Variants in PHYHD1 observed in about 807,000 individuals in gnomAD.
PHYHD1 encodes the protein phytanoyl-CoA dioxygenase domain-containing protein 1.
A neutral mutation model predicts 43.6 loss-of-function variants in PHYHD1; 42 were observed. The ratio of observed to expected loss-of-function variants is 0.96; its 90% confidence interval spans 0.75 to 1.25. The LOEUF (loss-of-function observed/expected upper bound fraction) is 1.25. PHYHD1 is among the 50% of genes most tolerant of loss of function. The pLI, the probability that PHYHD1 is intolerant of heterozygous loss-of-function variation, is 0.00. For missense variants in PHYHD1, 342 were observed against 370.8 expected, an observed-to-expected ratio of 0.92 and a Z score of 0.64; for synonymous variants, 139 against 143.6, an observed-to-expected ratio of 0.97 and a Z score of 0.23.
chr9:128,937,960 G>C, intron 9 of PHYHD1, 182 bp downstream of exon 9: 1 of 1,483,024 alleles, frequency 6.7e-7, no homozygotes, highest in Non-Finnish European at 9.0e-7. Flanking sequence ...GAAACCTTGC[G>C]TCCTTGGCAT....
chr9:128,924,540 A>T (rs970951200), intron 3 of PHYHD1, among the ~76,000 whole-genome samples: 30 of 151,984 alleles, frequency 2.0e-4, no homozygotes, highest in African/African-American at 7.2e-4. Context: ...TGAGCCCAGA[A>T]GTTCAAGGCT....
chr9:128,941,491 G>A lies in PHYHD1; in HGVS notation c.750G>A (p.Gln250=). The A allele has an allele frequency of 6.2e-7, 1 of 1,614,028 alleles. No homozygotes were observed. The highest frequency in any genetic ancestry group is 1.3e-5 in the African/African-American group (1 of 75,012). ...GAGAAGTGGTACACAAGAGCAAGCA[G>A]AACCTCTCTGACCGCTCGCGCCAGG... ...IHGEVVHKSK[Q]NLSDRSRQAY... is the part of the protein sequence containing the mutation. The change falls in exon 12 of 13, where the codon CAG becomes CAA. Residue 250 remains glutamine (Q), a synonymous_variant. Coordinates refer to ENST00000372592, the MANE Select transcript of PHYHD1 (RefSeq NM_001100876.2).
intron 3 of PHYHD1, among the ~76,000 whole-genome samples, chr9:128,926,063 C>G (rs1027310165): frequency 6.6e-6 from 1 of 152,164 alleles, no homozygotes. Context: ...ACCATGAGGG[C>G]AGGCATCATG....
At chr9:128,926,554 CTTTCT>C (rs1309595638) in intron 3 of PHYHD1, among the ~76,000 whole-genome samples, 1 of 138,384 alleles carries the variant, frequency 7.2e-6, no homozygotes, top group African/African-American at 2.6e-5. Flanking sequence ...TTTTCTTTTT[CTTTCT>C]TTTTTTTTTT....
At chr9:128,924,776 A>C (rs1045025503) in intron 3 of PHYHD1, among the ~76,000 whole-genome samples, 1 of 151,498 alleles carries the variant, frequency 6.6e-6, no homozygotes. Context: ...CTCTACTAAA[A>C]ATACAAAAAT....
chr9:128,936,335 G>A, intron 6 of PHYHD1, 113 bp from the exon 7 acceptor site: 1 of 1,412,786 alleles, frequency 7.1e-7, no homozygotes, highest in Non-Finnish European at 9.7e-7. Context: ...AAGGGTTAAT[G>A]CCTACAAAGT....
intron 4 of PHYHD1, among the ~76,000 whole-genome samples, chr9:128,927,943 C>T (rs1262847587): frequency 1.3e-5 from 2 of 152,302 alleles, no homozygotes; most frequent in Admixed American, 1.3e-4. Context: ...CCCCAGTGAC[C>T]GAATAGGTCA....
At chr9:128,937,103 A>C (rs1311867229) in intron 8 of PHYHD1, among the ~76,000 whole-genome samples, 1 of 151,774 alleles carries the variant, frequency 6.6e-6, no homozygotes, top group Non-Finnish European at 1.5e-5. Flanking sequence ...GGATAGAGCA[A>C]GGCTCCGTCT....
intron 9 of PHYHD1, among the ~76,000 whole-genome samples, chr9:128,938,428 G>GT (rs1564542803): frequency 1.7e-4 from 25 of 151,258 alleles, no homozygotes; most frequent in Admixed American, 8.6e-4. Context: ...CTGTTTTTTG[G>GT]GTTTTTTTTT....
chr9:128,927,329 C>CAGTGAGGAGCGAGGGAAAGG, intron 4 of PHYHD1, 133 bp downstream of exon 4: 1 of 1,049,874 alleles, frequency 9.5e-7, no homozygotes, highest in Non-Finnish European at 1.4e-6. Flanking sequence ...ACACCTTTCC[C>CAGTGAGGAGCGAGGGAAAGG]TCGCTCCTCA....
At chr9:128,934,126 G>T in intron 6 of PHYHD1, 68 bp downstream of exon 6, 1 of 1,514,986 alleles carries the variant, frequency 6.6e-7, no homozygotes, top group Non-Finnish European at 9.1e-7. Context: ...GCTTACACTT[G>T]TAATCCTAAC....
At chr9:128,934,697 G>C (rs1486595776) in intron 6 of PHYHD1, among the ~76,000 whole-genome samples, 1 of 151,842 alleles carries the variant, frequency 6.6e-6, no homozygotes, top group Non-Finnish European at 1.5e-5. Flanking sequence ...GAACCCGAGA[G>C]GCTGAGGCTG....
chr9:128,932,361 T>C (rs1425388287), intron 4 of PHYHD1, among the ~76,000 whole-genome samples: 1 of 151,132 alleles, frequency 6.6e-6, no homozygotes, highest in East Asian at 1.9e-4. Context: ...TTTTGTACTT[T>C]TGTTTTTATT....
chr9:128,941,531 C>G lies in PHYHD1; in HGVS notation c.790C>G (p.Leu264Val), dbSNP rs762470785. The G allele has an allele frequency of 1.5e-5, 24 of 1,614,046 alleles. No individual in the cohort carries two copies. The highest frequency in any genetic ancestry group is 1.9e-5 in the Non-Finnish European group (23 of 1,180,038). Residue 264 changes from leucine (L) to valine (V), a missense_variant, in exon 12 of 13, where the codon CTC becomes GTC. By Grantham distance (32) the Leu-to-Val change is conservative. Coordinates refer to ENST00000372592, the MANE Select transcript of PHYHD1 (RefSeq NM_001100876.2). The stretch of plus-strand genomic sequence containing the variant: ...CTCGCGCCAGGCCTACACTTTCCAC[C>G]TCATGGAGGCCTCTGGCACCACCTG... The part of the protein sequence containing the change: ...DRSRQAYTFH[L>V]MEASGTTWSP...
At chr9:128,921,764 T>C (rs1482248447) in intron 1 of PHYHD1, 96 bp downstream of exon 1, 1 of 152,578 alleles carries the variant, frequency 6.6e-6, no homozygotes, top group Admixed American at 6.5e-5. Context: ...ATGGATGCGT[T>C]AATTCCCTTC....
chr9:128,927,278 G>A, intron 4 of PHYHD1, 82 bp downstream of exon 4: 2 of 1,564,382 alleles, frequency 1.3e-6, no homozygotes, highest in Non-Finnish European at 1.7e-6. Context: ...TCGTGGAAGG[G>A]AGGATCCCAA....
Position 128,932,167 on chromosome 9 carries a change from T to TTA in PHYHD1, c.193-1614_193-1613insAT, listed in dbSNP as rs1350264161. Reference sequence around the variant, plus strand: ...GTCAGTTCTATTATTATTATTATTATTGTTATTATTATTATTATTTTTTTT... The same window carrying TTA: ...GTCAGTTCTATTATTATTATTATTATTATGTTATTATTATTATTATTTTTTTT... On this transcript the variant is annotated intron_variant, in intron 4 of 12. Transcript: ENST00000372592. 5.0e-3 allele frequency among the ~76,000 whole-genome samples: 609 copies of TTA among 122,404 alleles called. 15 individuals are homozygous for TTA. The highest frequency in any genetic ancestry group is 0.02 in the African/African-American group (571 of 28,120). The allele number at this position is 122,404 out of a possible 152,430, so 80.3% of individuals were successfully genotyped here. A position where few individuals can be genotyped will look rare whatever the true frequency, so the allele number is the denominator to read the frequency against.
Position 128,937,784 on chromosome 9 carries a change from C to G in PHYHD1, c.457+6C>G, listed in dbSNP as rs901514190. 3 of 1,613,928 alleles carry G rather than the reference C, an allele frequency of 1.9e-6. No individual in the cohort carries two copies. In the Admixed American group the frequency reaches 5.0e-5, roughly 27 times the overall value. On this transcript the variant is annotated splice_donor_region_variant and intron_variant, in intron 9 of 12. Transcript: ENST00000372592. ...ACCTCACTTTGGCGGTGAAGGTGAG[C>G]TGAGAGCTGTGGGCCCCTGAAAAGG...
At position 128,927,019 on chromosome 9, in the gene PHYHD1, G is replaced by C; in HGVS notation, c.34-19G>C. ...GCATTTGCAGACTGGGGAAGCCTGA[G>C]TCTCAAGCCTGCCTGCAGTTCCAAC... On this transcript the variant is annotated intron_variant, in intron 3 of 12. Coordinates refer to ENST00000372592, the MANE Select transcript of PHYHD1 (RefSeq NM_001100876.2). 6.2e-7 allele frequency: 1 copy of C among 1,614,128 alleles called. No homozygotes were observed.
Sources: gnomAD v4.1 joint callset for allele counts (sites outside exome capture counted in the v4.1 genomes callset) on GRCh38, gnomAD v4.1.1 for gene constraint, MANE v1.5 for transcripts, NCBI Gene and HGNC (gene_info 2026-07-23, HGNC 2026-07-21) for gene names.